LPP: variants seen among roughly 807,000 people sequenced by gnomAD.
LPP encodes LIM domain containing preferred translocation partner in lipoma, also known as lipoma-preferred partner.
In LPP, 38 loss-of-function variants were observed where a neutral mutation model predicts 60.4. That is an observed-to-expected ratio of 0.63 (90% confidence interval 0.49 to 0.83). LPP has a LOEUF of 0.83. Among genes scored for constraint, LPP ranks in the 40% least tolerant of loss-of-function variants. The pLI, the probability that LPP is intolerant of heterozygous loss-of-function variation, is 0.00. For synonymous variants in LPP, 328 were observed against 290.8 expected (o/e 1.13, Z -1.30); for missense variants, 902 against 783.6 (o/e 1.15, Z -1.80).
At chr3:188,286,218 G>A (rs1318771695) in intron 2 of LPP, among the ~76,000 whole-genome samples, 3 of 152,176 alleles carry the variant, frequency 2.0e-5, no homozygotes, top group Non-Finnish European at 4.4e-5. Context: ...GAAACTCTCT[G>A]AGGTCTTGAA....
At chr3:188,536,855 C>G (rs188682614) in intron 6 of LPP, among the ~76,000 whole-genome samples, 1 of 152,210 alleles carries the variant, frequency 6.6e-6, no homozygotes, top group African/African-American at 2.4e-5. Context: ...TGTTGTACTG[C>G]TTATATGAAA....
chr3:188,376,475 C>CT (rs892751173), intron 3 of LPP, among the ~76,000 whole-genome samples: 1 of 152,070 alleles, frequency 6.6e-6, no homozygotes, highest in South Asian at 2.1e-4. Flanking sequence ...TTCTTTGTCT[C>CT]TTTTGATCGT....
At chr3:188,190,449 G>A (rs1427979129) in intron 1 of LPP, among the ~76,000 whole-genome samples, 2 of 152,074 alleles carry the variant, frequency 1.3e-5, no homozygotes, top group Admixed American at 1.3e-4. Flanking sequence ...GGGAGAAGGA[G>A]TCAATGTGGG....
At chr3:188,848,848 C>A (rs1252851074) in intron 9 of LPP, among the ~76,000 whole-genome samples, 1 of 152,006 alleles carries the variant, frequency 6.6e-6, no homozygotes, top group African/African-American at 2.4e-5. Context: ...CACCTGTAGT[C>A]CCAGCTACTC....
intron 4 of LPP, among the ~76,000 whole-genome samples, chr3:188,457,873 C>A (rs1395674041): frequency 1.3e-5 from 2 of 152,156 alleles, no homozygotes; most frequent in East Asian, 3.9e-4. Flanking sequence ...CACGCCCCTG[C>A]ACTCCAGCCT....
chr3:188,430,214 A>G (rs910860074), intron 4 of LPP, among the ~76,000 whole-genome samples: 1 of 152,178 alleles, frequency 6.6e-6, no homozygotes, highest in Non-Finnish European at 1.5e-5. Flanking sequence ...TTTTGAGGAA[A>G]TAAGTTGGAA....
At chr3:188,239,165 C>T (rs1722949920) in intron 2 of LPP, among the ~76,000 whole-genome samples, 1 of 152,240 alleles carries the variant, frequency 6.6e-6, no homozygotes, top group Non-Finnish European at 1.5e-5. Flanking sequence ...GCAGAGGGCT[C>T]TCCACTCCGT....
At chr3:188,321,434 C>T (rs1405471451) in intron 2 of LPP, among the ~76,000 whole-genome samples, 1 of 152,148 alleles carries the variant, frequency 6.6e-6, no homozygotes, top group East Asian at 1.9e-4. Context: ...TTGGATGGTG[C>T]TGGCTTAGAG....
chr3:188,545,145 C>A (rs1826237568), intron 6 of LPP, among the ~76,000 whole-genome samples: 1 of 116,630 alleles, frequency 8.6e-6, no homozygotes. Context: ...GGGAGATATA[C>A]CTAATGCTAG....
chr3:188,530,542 T>C (rs940359019), intron 6 of LPP, among the ~76,000 whole-genome samples: 3 of 152,166 alleles, frequency 2.0e-5, no homozygotes, highest in African/African-American at 7.2e-5. Flanking sequence ...GGAAAGCTTT[T>C]GCCCAGAGAG....
intron 4 of LPP, among the ~76,000 whole-genome samples, chr3:188,436,728 G>A (rs1419243354): frequency 1.3e-5 from 2 of 152,130 alleles, no homozygotes; most frequent in African/African-American, 4.8e-5. Flanking sequence ...GCCCAGACTT[G>A]AATTTCAGTA....
intron 1 of LPP, among the ~76,000 whole-genome samples, chr3:188,203,442 T>TTTTAA: frequency 1.1e-5 from 1 of 89,836 alleles, no homozygotes; most frequent in East Asian, 3.0e-4. Context: ...AATATATATT[T>TTTTAA]ATATAAATAT....
At chr3:188,398,454 G>A (rs755198789) in intron 3 of LPP, among the ~76,000 whole-genome samples, 5 of 152,210 alleles carry the variant, frequency 3.3e-5, no homozygotes, top group Admixed American at 6.5e-5. Context: ...CATTTCTGTA[G>A]CGTTGTTCTC....
chr3:188,209,273 G>T (rs975434919), intron 1 of LPP, among the ~76,000 whole-genome samples: 5 of 152,034 alleles, frequency 3.3e-5, no homozygotes, highest in Admixed American at 2.6e-4. Context: ...CTACCTCCTG[G>T]GATAGTTGTT....
chr3:188,210,118 C>T (rs1176173217), intron 1 of LPP, among the ~76,000 whole-genome samples: 1 of 149,962 alleles, frequency 6.7e-6, no homozygotes, highest in Non-Finnish European at 1.5e-5. Context: ...ATAAAAAAAC[C>T]AATATAATAT....
intron 9 of LPP, among the ~76,000 whole-genome samples, chr3:188,845,188 T>C (rs1181916949): frequency 6.6e-6 from 1 of 152,212 alleles, no homozygotes; most frequent in East Asian, 1.9e-4. Flanking sequence ...TCATGCCATT[T>C]TCTAAAGAAG....
At chr3:188,394,424 T>C (rs2148720988) in intron 3 of LPP, among the ~76,000 whole-genome samples, 1 of 152,238 alleles carries the variant, frequency 6.6e-6, no homozygotes, top group South Asian at 2.1e-4. Context: ...TCACAGATGG[T>C]GGGTAAGCTT....
chr3:188,731,514 T>TTTTTTTGTTTTGTTTTG (rs1220340111), intron 8 of LPP, among the ~76,000 whole-genome samples: 2 of 99,976 alleles, frequency 2.0e-5, no homozygotes, highest in African/African-American at 8.4e-5. Context: ...ATTTTTTTGT[T>TTTTTTTGTTTTGTTTTG]TTTTTTGTTT....
intron 2 of LPP, among the ~76,000 whole-genome samples, chr3:188,232,504 A>ATTTTTTTTTTTTTTTTTTTTTTTTTTT (rs71634069): frequency 9.7e-6 from 1 of 103,234 alleles, no homozygotes. Context: ...ACACCCGGCT[A>ATTTTTTTTTTTTTTTTTTTTTTTTTTT]TTTTTTTTTT....
Sources: allele counts gnomAD v4.1 joint callset (sites outside exome capture counted in the v4.1 genomes callset), GRCh38; gene constraint gnomAD v4.1.1; transcripts MANE v1.5; gene names NCBI Gene and HGNC (gene_info 2026-07-23, HGNC 2026-07-21).